SYNPR: variants seen among roughly 807,000 people sequenced by gnomAD.
The protein encoded by SYNPR is synaptoporin.
Under a neutral mutation model 32.9 loss-of-function variants are expected in SYNPR, and 23 were observed. That is an observed-to-expected ratio of 0.70 (90% CI 0.50 to 0.99). SYNPR has a LOEUF of 0.99. Among genes scored for constraint, SYNPR ranks in the 50% least tolerant of loss-of-function variants. SYNPR has a pLI of 0.00. For synonymous variants in SYNPR, 146 were observed against 135.9 expected, an observed-to-expected ratio of 1.07 and a Z score of -0.52; for missense variants, 318 against 349.3, an observed-to-expected ratio of 0.91 and a Z score of 0.71.
At chr3:63,414,245 G>C (rs2088508023) in intron 2 of SYNPR, among the ~76,000 whole-genome samples, 1 of 152,120 alleles carries the variant, frequency 6.6e-6, no homozygotes, top group Non-Finnish European at 1.5e-5. Context: ...AAATGTAGTT[G>C]ACAGTAATTA....
intron 3 of SYNPR, among the ~76,000 whole-genome samples, chr3:63,536,336 T>C (rs1338438268): frequency 6.6e-6 from 1 of 152,008 alleles, no homozygotes; most frequent in African/African-American, 2.4e-5. Flanking sequence ...CAAGAAGATA[T>C]ACAAATAGCC....
intron 4 of SYNPR, among the ~76,000 whole-genome samples, chr3:63,583,134 A>G (rs1237025221): frequency 1.3e-5 from 2 of 152,122 alleles, no homozygotes; most frequent in African/African-American, 2.4e-5. Context: ...TGGGGAGATC[A>G]TAAGACTCAT....
rs2087490973 is a variant in SYNPR, at chr3:63,350,344, A to G, written c.84+71602A>G. On this transcript the variant is annotated intron_variant, in intron 2 of 5. Transcript: ENST00000478300. ...AGACCCAGGCAGCTGCCAGACACCA[A>G]CATCTCACTCTCATTGGACCTGCTA... Among the ~76,000 whole-genome samples the G allele has an allele frequency of 2.0e-5, 3 of 152,154 alleles. No homozygotes were observed. In the South Asian group the frequency reaches 6.2e-4, roughly 32 times the overall value.
chr3:63,339,663 T>C (rs1053697114), intron 2 of SYNPR, among the ~76,000 whole-genome samples: 7 of 90,310 alleles, frequency 7.8e-5, no homozygotes, highest in African/African-American at 1.6e-4. Flanking sequence ...CCTTGTGTTC[T>C]TTTTTTTTTT....
chr3:63,395,246 C>T (rs188675000), intron 2 of SYNPR, among the ~76,000 whole-genome samples: 1 of 152,276 alleles, frequency 6.6e-6, no homozygotes, highest in Admixed American at 6.5e-5. Flanking sequence ...TTACCAAATG[C>T]AATTTACACA....
intron 2 of SYNPR, among the ~76,000 whole-genome samples, chr3:63,422,344 T>A (rs2107132778): frequency 6.6e-6 from 1 of 152,232 alleles, no homozygotes; most frequent in South Asian, 2.1e-4. Flanking sequence ...TTTTCATTGT[T>A]CCATCATGTA....
At chr3:63,252,525 T>C (rs2086341511) in exon 2 of SYNPR, 1 of 152,190 alleles carries the variant, frequency 6.6e-6, no homozygotes, top group Non-Finnish European at 1.5e-5. Flanking sequence ...ACTGCGCCTT[T>C]AAGGAAAACT....
intron 3 of SYNPR, among the ~76,000 whole-genome samples, chr3:63,495,065 T>C (rs1004782158): frequency 2.0e-5 from 3 of 152,202 alleles, no homozygotes; most frequent in Non-Finnish European, 4.4e-5. Context: ...GAAGAACAAC[T>C]CTAGGCTGGA....
chr3:63,501,063 T>TA (rs369261612), intron 3 of SYNPR, among the ~76,000 whole-genome samples: 19,219 of 151,362 alleles, frequency 0.13, 1,447 homozygotes, highest in Non-Finnish European at 0.18. Flanking sequence ...TGGCAAATTG[T>TA]AAAAAAAAAT....
intron 2 of SYNPR, among the ~76,000 whole-genome samples, chr3:63,479,731 T>C (rs562813344): frequency 6.6e-6 from 1 of 152,208 alleles, no homozygotes; most frequent in East Asian, 1.9e-4. Context: ...ACACCGCAAA[T>C]AGCAAAATGA....
At chr3:63,384,426 C>A (rs1347879929) in intron 2 of SYNPR, among the ~76,000 whole-genome samples, 1 of 152,166 alleles carries the variant, frequency 6.6e-6, no homozygotes, top group Non-Finnish European at 1.5e-5. Flanking sequence ...CTCCCTTTCC[C>A]AAAGTCTAGC....
At chr3:63,433,687 T>C (rs1700031295) in intron 2 of SYNPR, among the ~76,000 whole-genome samples, 1 of 152,140 alleles carries the variant, frequency 6.6e-6, no homozygotes, top group African/African-American at 2.4e-5. Context: ...CGCCTCCCCT[T>C]GCAGCCCTGA....
chr3:63,494,478 CATATATAT>C (rs201041485), intron 3 of SYNPR, among the ~76,000 whole-genome samples: 8 of 109,234 alleles, frequency 7.3e-5, no homozygotes, highest in African/African-American at 3.0e-4. Context: ...CACATATATA[CATATATAT>C]ACATATATAT....
intron 1 of SYNPR, among the ~76,000 whole-genome samples, chr3:63,245,357 TAATA>T (rs2086276109): frequency 6.6e-6 from 1 of 152,022 alleles, no homozygotes; most frequent in South Asian, 2.1e-4. Context: ...TTGACTATAA[TAATA>T]AATGTTAGCC....
At chr3:63,231,048 CAT>C (rs142768012) in intron 1 of SYNPR, among the ~76,000 whole-genome samples, 162 of 152,270 alleles carry the variant, frequency 1.1e-3, no homozygotes, top group Non-Finnish European at 1.6e-3. Flanking sequence ...CACATGCACA[CAT>C]GTTTGTAGCA....
At chr3:63,426,326 A>G (rs1227920690) in intron 2 of SYNPR, among the ~76,000 whole-genome samples, 1 of 152,168 alleles carries the variant, frequency 6.6e-6, no homozygotes, top group African/African-American at 2.4e-5. Flanking sequence ...CTCTGCAGAC[A>G]TTTGACTTGG....
At chr3:63,360,191 C>T (rs1200898019) in intron 2 of SYNPR, among the ~76,000 whole-genome samples, 4 of 152,170 alleles carry the variant, frequency 2.6e-5, no homozygotes, top group Non-Finnish European at 1.5e-5. Flanking sequence ...CCCTTTCACC[C>T]AGTTATTGTA....
intron 2 of SYNPR, among the ~76,000 whole-genome samples, chr3:63,260,013 G>T (rs1232290504): frequency 1.3e-5 from 2 of 152,082 alleles, no homozygotes; most frequent in Admixed American, 1.3e-4. Flanking sequence ...CAACTTACAA[G>T]GGACGCGAAG....
intron 2 of SYNPR, among the ~76,000 whole-genome samples, chr3:63,345,097 C>G (rs1013705736): frequency 6.6e-6 from 1 of 152,160 alleles, no homozygotes; most frequent in African/African-American, 2.4e-5. Flanking sequence ...CCACCCCATG[C>G]GACTCTTGAG....
Sources: gnomAD v4.1 joint callset for allele counts (sites outside exome capture counted in the v4.1 genomes callset) on GRCh38, gnomAD v4.1.1 for gene constraint, MANE v1.5 for transcripts, NCBI Gene and HGNC (gene_info 2026-07-23, HGNC 2026-07-21) for gene names.